HRH1: variants seen among roughly 807,000 people sequenced by gnomAD.
HRH1 encodes histamine receptor H1, also known as histamine H1 receptor.
A neutral mutation model predicts 10.3 loss-of-function variants in HRH1; 6 were observed. The observed-to-expected ratio is 0.58, with a 90% CI of 0.32 to 1.15. The LOEUF (loss-of-function observed/expected upper bound fraction) is 1.15, where lower values mean the gene tolerates loss of function less well. Among genes scored for constraint, HRH1 ranks in the 50% most tolerant of loss-of-function variants. The probability of loss-of-function intolerance (pLI) is 0.05; values close to 1 mark genes in which losing one functional copy is unlikely to be tolerated. For missense variants in HRH1, 514 were observed against 615.3 expected (o/e 0.84, Z 1.74); for synonymous variants, 242 against 236.7 (o/e 1.02, Z -0.21).
intron 1 of HRH1, among the ~76,000 whole-genome samples, chr3:11,148,810 CTTTTTT>C (rs755029776): frequency 2.4e-5 from 2 of 84,414 alleles, no homozygotes; most frequent in Admixed American, 1.3e-4. Context: ...AAACCACAGT[CTTTTTT>C]TTTTTTTTTT....
intron 1 of HRH1, among the ~76,000 whole-genome samples, chr3:11,209,250 C>T (rs1417659466): frequency 6.6e-6 from 1 of 152,084 alleles, no homozygotes; most frequent in Admixed American, 6.6e-5. Flanking sequence ...TGCCACGATG[C>T]CTGACTAGTT....
At chr3:11,143,561 C>A (rs560464313) in intron 1 of HRH1, among the ~76,000 whole-genome samples, 6 of 152,348 alleles carry the variant, frequency 3.9e-5, no homozygotes, top group African/African-American at 1.4e-4. Flanking sequence ...GATGCCTATT[C>A]TAGTCCGCAG....
chr3:11,215,796 T>G (rs1315892434), intron 1 of HRH1, among the ~76,000 whole-genome samples: 1 of 152,210 alleles, frequency 6.6e-6, no homozygotes, highest in East Asian at 1.9e-4. Flanking sequence ...ATTCAGTGAA[T>G]CAGTTAAGTG....
chr3:11,251,398 G>C (rs558271650), intron 1 of HRH1, among the ~76,000 whole-genome samples: 7 of 152,188 alleles, frequency 4.6e-5, no homozygotes, highest in Non-Finnish European at 1.0e-4. Flanking sequence ...AAAGGCATAC[G>C]TGGAGTCAGT....
At chr3:11,144,482 T>TAC (rs1224004132) in intron 1 of HRH1, among the ~76,000 whole-genome samples, 22 of 9,792 alleles carry the variant, frequency 2.2e-3, no homozygotes, top group South Asian at 0.017. Flanking sequence ...GACATATATA[T>TAC]ACACACACAC....
rs562514839 is a variant in HRH1 at position 11,244,417 on chromosome 3, G to A, written c.-35-14586G>A. 3.3e-5 allele frequency among the ~76,000 whole-genome samples: 5 copies of A among 152,306 alleles called. No individual in the cohort carries two copies. In the South Asian group the frequency reaches 1.0e-3, roughly 32 times the overall value. Reference sequence around the variant, plus strand: ...AGAGTTCTAGTCTTAGACATGAGAGGAGACTATTAGCAGCTTCCACCACAG... The same window carrying A: ...AGAGTTCTAGTCTTAGACATGAGAGAAGACTATTAGCAGCTTCCACCACAG... On this transcript the variant is annotated intron_variant, in intron 1 of 1. Transcript: ENST00000431010.
At chr3:11,179,459 A>G (rs1414941787) in intron 1 of HRH1, among the ~76,000 whole-genome samples, 1 of 150,986 alleles carries the variant, frequency 6.6e-6, no homozygotes, top group Non-Finnish European at 1.5e-5. Context: ...TCTCTACTAA[A>G]AATACAAAAA....
At position 11,260,046 on chromosome 3, in the gene HRH1, G is replaced by A. The variant is rs201417298; in HGVS notation, c.1009G>A (p.Gly337Ser). ...SHGQLKTDEQ[G>S]LNTHGASEIS... The stretch of plus-strand genomic sequence containing the variant: ...TGGCCAGCTCAAGACAGATGAGCAG[G>A]GCCTGAACACACATGGGGCCAGCGA... The change falls in exon 2 of 2, where the codon GGC becomes AGC. Residue 337 changes from glycine (G) to serine (S), a missense_variant. Physicochemically the swap from Gly to Ser is moderately conservative, Grantham distance 56 (BLOSUM62 0). Coordinates refer to ENST00000431010, the MANE Select transcript of HRH1 (RefSeq NM_001098212.2). The A allele has an allele frequency of 4.3e-6, 7 of 1,614,104 alleles. No individual in the cohort carries two copies. The highest frequency in any genetic ancestry group is 5.9e-6 in the Non-Finnish European group (7 of 1,180,016).
intron 1 of HRH1, 60 bp from the exon 2 acceptor site, chr3:11,258,943 T>A: frequency 7.5e-6 from 9 of 1,204,224 alleles, no homozygotes; most frequent in Non-Finnish European, 9.3e-6. Flanking sequence ...AACATCATGC[T>A]ACTAAGTGGC....
At chr3:11,210,014 T>A (rs1443886873) in intron 1 of HRH1, among the ~76,000 whole-genome samples, 1 of 152,262 alleles carries the variant, frequency 6.6e-6, no homozygotes, top group Non-Finnish European at 1.5e-5. Flanking sequence ...AGTGAAGACC[T>A]TGGCATTAAA....
intron 1 of HRH1, among the ~76,000 whole-genome samples, chr3:11,139,176 G>A (rs1241572221): frequency 1.3e-5 from 2 of 151,066 alleles, no homozygotes; most frequent in Admixed American, 6.6e-5. Flanking sequence ...TAGTAGAGAT[G>A]AGGTTTCACC....
At chr3:11,237,376 A>G (rs1287412824) in intron 1 of HRH1, among the ~76,000 whole-genome samples, 1 of 152,106 alleles carries the variant, frequency 6.6e-6, no homozygotes, top group Non-Finnish European at 1.5e-5. Context: ...TGGGGGGAGT[A>G]TGTGAAGTTC....
intron 1 of HRH1, among the ~76,000 whole-genome samples, chr3:11,249,892 C>G (rs751795479): frequency 6.6e-6 from 1 of 152,076 alleles, no homozygotes; most frequent in Admixed American, 6.5e-5. Context: ...TTGTCTTTGA[C>G]CCTGCAGATC....
intron 1 of HRH1, among the ~76,000 whole-genome samples, chr3:11,144,473 A>G: frequency 6.7e-6 from 1 of 150,074 alleles, no homozygotes; most frequent in Non-Finnish European, 1.5e-5. Flanking sequence ...ATACATATAG[A>G]CATATATATA....
Position 11,203,501 on chromosome 3 carries a change from G to A in HRH1, c.-36+48947G>A, listed in dbSNP as rs74743163. ...TTTTATAATTTTGGTTTTATGCTTA[G>A]GCTTATGGTCCATTTTGAGTTACTT... On this transcript the variant is annotated intron_variant, in intron 1 of 1. Coordinates refer to ENST00000431010, the MANE Select transcript of HRH1 (RefSeq NM_001098212.2). Among the ~76,000 whole-genome samples, 431 of 152,194 alleles carry A rather than the reference G, an allele frequency of 2.8e-3. 3 individuals are homozygous for A. Among genetic ancestry groups the A allele is most frequent in the Middle Eastern group, 0.014 (4 of 294 alleles).
At chr3:11,208,694 C>T (rs968159913) in intron 1 of HRH1, among the ~76,000 whole-genome samples, 1 of 152,200 alleles carries the variant, frequency 6.6e-6, no homozygotes, top group African/African-American at 2.4e-5. Context: ...CTATTATGGA[C>T]ACTTTCCCAT....
chr3:11,258,438 C>G (rs562763514), intron 1 of HRH1, among the ~76,000 whole-genome samples: 1 of 152,170 alleles, frequency 6.6e-6, no homozygotes, highest in Admixed American at 6.5e-5. Context: ...ATCACTTCCT[C>G]ACATCCTGTC....
chr3:11,260,732 T>A lies in HRH1; in HGVS notation c.*231T>A, dbSNP rs1164026841. 8.2e-6 allele frequency: 4 copies of A among 486,886 alleles called. No homozygotes were observed. Among genetic ancestry groups the A allele is most frequent in the African/African-American group, 7.9e-5 (4 of 50,924 alleles). The allele number at this position is 486,886 out of a possible 1,614,324, so 30.2% of individuals were successfully genotyped here. On this transcript the variant is annotated 3_prime_UTR_variant, in exon 2 of 2. Coordinates refer to ENST00000431010, the MANE Select transcript of HRH1 (RefSeq NM_001098212.2). ...AGGAAGCAGAATCTTTGCAAGAAAG[T>A]CAGACCTGTTTCTTGTAACTGGGTT...
chr3:11,237,664 C>CTTTTTTTTTTTTTTTTT (rs376450222), intron 1 of HRH1, among the ~76,000 whole-genome samples: 4 of 83,088 alleles, frequency 4.8e-5, no homozygotes, highest in Admixed American at 1.7e-4. Context: ...TTTTCTTTTC[C>CTTTTTTTTTTTTTTTTT]TTTTTTTTTT....
Sources: gnomAD v4.1 joint callset for allele counts (sites outside exome capture counted in the v4.1 genomes callset) on GRCh38, gnomAD v4.1.1 for gene constraint, MANE v1.5 for transcripts, NCBI Gene and HGNC (gene_info 2026-07-23, HGNC 2026-07-21) for gene names.